The following TARBP1 variants were observed in gnomAD, a reference collection of about 807,000 sequenced individuals.
TARBP1 encodes tRNA (guanosine(18)-2'-O)-methyltransferase TARBP1.
TARBP1 carries 144 observed loss-of-function variants against 178.6 expected under a neutral mutation model. That is an observed-to-expected ratio of 0.81 (90% CI 0.70 to 0.93). TARBP1 has a LOEUF of 0.93. TARBP1 is among the 40% of genes least tolerant of loss of function. The pLI is 0.00. For synonymous variants in TARBP1, 787 were observed against 781.0 expected, an observed-to-expected ratio of 1.01 and a Z score of -0.13; for missense variants, 2,067 against 2,011.7, an observed-to-expected ratio of 1.03 and a Z score of -0.53.
intron 6 of TARBP1, among the ~76,000 whole-genome samples, chr1:234,462,994 C>T (rs1372557571): frequency 6.6e-6 from 1 of 152,206 alleles, no homozygotes; most frequent in Non-Finnish European, 1.5e-5. Flanking sequence ...CCTGCTGCTG[C>T]TCAGCAAACA....
chr1:234,477,560 T>C (rs1405878385), intron 1 of TARBP1, among the ~76,000 whole-genome samples: 1 of 152,234 alleles, frequency 6.6e-6, no homozygotes, highest in African/African-American at 2.4e-5. Flanking sequence ...TGCTGTTTCA[T>C]TACTCTTGCA....
chr1:234,460,495 T>C, intron 6 of TARBP1, 99 bp from the exon 7 acceptor site: 1 of 1,263,692 alleles, frequency 7.9e-7, no homozygotes, highest in Non-Finnish European at 1.1e-6. Flanking sequence ...AAAACCATAG[T>C]AAGGCTCCAC....
intron 9 of TARBP1, among the ~76,000 whole-genome samples, chr1:234,450,815 CAT>C (rs1190537438): frequency 8.6e-5 from 13 of 151,956 alleles, no homozygotes; most frequent in African/African-American, 2.4e-4. Flanking sequence ...TATATATACA[CAT>C]ATGTGTGTGT....
chr1:234,402,888 C>T (rs960581589), intron 24 of TARBP1, among the ~76,000 whole-genome samples: 3 of 152,074 alleles, frequency 2.0e-5, no homozygotes, highest in African/African-American at 7.3e-5. Flanking sequence ...AGCTGGCCCC[C>T]TCTTGTACCT....
chr1:234,455,023 T>C (rs1667140394), intron 9 of TARBP1, among the ~76,000 whole-genome samples: 2 of 151,972 alleles, frequency 1.3e-5, no homozygotes, highest in Admixed American at 6.6e-5. Context: ...GGCTGCTGGT[T>C]TTGAAGATGG....
rs113198194 is a variant in TARBP1, at chr1:234,412,152, T to C, written c.3706-1621A>G. ...AGAATGACAATATGGGCCTGGGCGC[T>C]GTGGCCCATGCCTGTAATCCCAGCA... On this transcript the variant is annotated intron_variant, in intron 22 of 29. Coordinates refer to ENST00000040877, the MANE Select transcript of TARBP1 (RefSeq NM_005646.4). Among the ~76,000 whole-genome samples the C allele has an allele frequency of 2.7e-3, 414 of 152,268 alleles. 3 individuals carry two copies. The highest frequency in any genetic ancestry group is 9.7e-3 in the African/African-American group (405 of 41,560).
intron 6 of TARBP1, among the ~76,000 whole-genome samples, chr1:234,461,048 A>G (rs139662579): frequency 6.6e-6 from 1 of 152,314 alleles, no homozygotes; most frequent in East Asian, 1.9e-4. Context: ...GAGAATGAGA[A>G]GCGACTATTA....
At chr1:234,454,469 G>A (rs1368525729) in intron 9 of TARBP1, among the ~76,000 whole-genome samples, 15 of 152,114 alleles carry the variant, frequency 9.9e-5, no homozygotes, top group Admixed American at 3.3e-4. Flanking sequence ...GGACAGGAAG[G>A]GAGAGTAGGA....
At chr1:234,421,620 G>A (rs779678753) in intron 20 of TARBP1, among the ~76,000 whole-genome samples, 5 of 152,198 alleles carry the variant, frequency 3.3e-5, no homozygotes, top group African/African-American at 9.7e-5. Flanking sequence ...GCATCTCTAC[G>A]CATGACGTGT....
chr1:234,447,181 C>A (rs1666265076), intron 11 of TARBP1, among the ~76,000 whole-genome samples: 2 of 152,044 alleles, frequency 1.3e-5, no homozygotes, highest in South Asian at 4.2e-4. Context: ...AAAGAAGGCA[C>A]AGGGAAGAAC....
chr1:234,474,268 AC>A (rs1558264701), intron 1 of TARBP1, among the ~76,000 whole-genome samples: 37 of 150,888 alleles, frequency 2.5e-4, no homozygotes, highest in African/African-American at 7.1e-4. Flanking sequence ...ACACACACAC[AC>A]ACACACACAC....
chr1:234,457,712 C>T lies in TARBP1; in HGVS notation c.1677G>A (p.Leu559=). 4 of 1,610,252 alleles carry T rather than the reference C, an allele frequency of 2.5e-6. No individual in the cohort carries two copies. The East Asian group carries it at 8.9e-5, about 36-fold the overall frequency. The change falls in exon 9 of 30, where the codon CTG becomes CTA. Residue 559 remains leucine (L), a synonymous_variant. Coordinates refer to ENST00000040877, the MANE Select transcript of TARBP1 (RefSeq NM_005646.4). ...CTCGTCCTAAGGATTCCTCTTGTCTCAGAGACATGAGAAAAGTTGAGACAT... is the reference window on the plus strand; with the variant it reads ...CTCGTCCTAAGGATTCCTCTTGTCTTAGAGACATGAGAAAAGTTGAGACAT... ...LSDVSTFLMS[L]RQEESLGRGT...
At position 234,393,796 on chromosome 1, in the gene TARBP1, C is replaced by T. The variant is rs1659651350; in HGVS notation, c.4285G>A (p.Asp1429Asn). The T allele has an allele frequency of 3.7e-6, 6 of 1,613,670 alleles. No homozygotes were observed. Among genetic ancestry groups the T allele is most frequent in the Non-Finnish European group, 4.2e-6 (5 of 1,179,864 alleles). The change falls in exon 27 of 30, where the codon GAC (aspartate) becomes AAC (asparagine). Residue 1429 changes from aspartate (D) to asparagine (N), a missense_variant. Physicochemically the swap from Asp to Asn is conservative, Grantham distance 23. Coordinates refer to ENST00000040877, the MANE Select transcript of TARBP1 (RefSeq NM_005646.4). ...CACGGGATAATCTTCTTCTGAACGTCGGTCCACTCCGCTTGGTTATCTGCT... is the reference window on the plus strand; with the variant it reads ...CACGGGATAATCTTCTTCTGAACGTTGGTCCACTCCGCTTGGTTATCTGCT... ...VEADNQAEWTDVQKKIIPWNS... is the reference protein window; with the variant it reads ...VEADNQAEWTNVQKKIIPWNS...
chr1:234,458,645 C>T (rs1667535121), intron 8 of TARBP1, among the ~76,000 whole-genome samples: 1 of 152,172 alleles, frequency 6.6e-6, no homozygotes, highest in Admixed American at 6.5e-5. Context: ...CTGTAGTAAG[C>T]AATATTTACT....
chr1:234,476,285 A>C (rs978798306), intron 1 of TARBP1, among the ~76,000 whole-genome samples: 2 of 152,258 alleles, frequency 1.3e-5, no homozygotes, highest in African/African-American at 4.8e-5. Context: ...CAAGACCTTA[A>C]AAAAATCCTA....
chr1:234,428,902 C>A (rs1344418617), intron 17 of TARBP1, among the ~76,000 whole-genome samples: 1 of 152,156 alleles, frequency 6.6e-6, no homozygotes, highest in Non-Finnish European at 1.5e-5. Flanking sequence ...ACTGTATGAA[C>A]CAAACAAACC....
chr1:234,467,994 G>T (rs1020821889), intron 3 of TARBP1, among the ~76,000 whole-genome samples: 1 of 151,996 alleles, frequency 6.6e-6, no homozygotes, highest in Non-Finnish European at 1.5e-5. Context: ...GCCTAGGTTG[G>T]TCTCAAACTC....
chr1:234,441,984 A>G (rs1224269829), intron 12 of TARBP1, among the ~76,000 whole-genome samples: 1 of 152,164 alleles, frequency 6.6e-6, no homozygotes, highest in African/African-American at 2.4e-5. Context: ...ATTTTTGACA[A>G]AAGTACAAAA....
At position 234,418,938 on chromosome 1, in the gene TARBP1, C is replaced by T. The variant is rs1482333745; in HGVS notation, c.3556-705G>A. Among the ~76,000 whole-genome samples, 10 of 152,098 alleles carry T rather than the reference C, an allele frequency of 6.6e-5. No homozygotes were observed. In the South Asian group the frequency reaches 1.2e-3, roughly 19 times the overall value. ...CTGTAATCCCAGCACTTTGGGAGGC[C>T]GAGGCGGGCGGATCACAAGGTCAGA... On this transcript the variant is annotated intron_variant, in intron 21 of 29. Transcript: ENST00000040877.
Sources: gnomAD v4.1 joint callset for allele counts (sites outside exome capture counted in the v4.1 genomes callset) on GRCh38, gnomAD v4.1.1 for gene constraint, MANE v1.5 for transcripts, NCBI Gene and HGNC (gene_info 2026-07-23, HGNC 2026-07-21) for gene names.